HIPK2: variants seen among roughly 807,000 people sequenced by gnomAD.
HIPK2 encodes the protein homeodomain-interacting protein kinase 2.
HIPK2 carries 27 observed loss-of-function variants against 113.7 expected under a neutral mutation model. The ratio of observed to expected loss-of-function variants is 0.24; its 90% CI spans 0.17 to 0.33. The LOEUF is 0.33. HIPK2 is among the 10% of genes least tolerant of loss of function. The probability of loss-of-function intolerance (pLI) is 1.00; values close to 1 mark genes in which losing one functional copy is unlikely to be tolerated. For missense variants in HIPK2, 1,257 were observed against 1,588.0 expected (o/e 0.79, Z 3.54); for synonymous variants, 631 against 642.2 (o/e 0.98, Z 0.26).
In HIPK2 at chr7:139,583,954, C is replaced by T. The variant is rs1336981977; in HGVS notation, c.2828G>A (p.Gly943Glu). The T allele has an allele frequency of 6.2e-7, 1 of 1,613,890 alleles. No homozygotes were observed. The highest frequency in any genetic ancestry group is 8.5e-7 in the Non-Finnish European group (1 of 1,179,898). Reference sequence around the variant, plus strand: ...GTCAAAGGCATTGGCATTGTTGTGCCCAGCACGCTGCTGCACGGAGTAGGG... The same window carrying T: ...GTCAAAGGCATTGGCATTGTTGTGCTCAGCACGCTGCTGCACGGAGTAGGG... ...TSPYSVQQRA[G>E]HNNANAFDTK... is the part of the protein sequence containing the mutation. The change falls in exon 13 of 15, where the codon GGG becomes GAG. Residue 943 changes from glycine to glutamate, a missense_variant. Coordinates refer to ENST00000406875, the MANE Select transcript of HIPK2 (RefSeq NM_022740.5).
chr7:139,620,289 G>A, intron 7 of HIPK2, 112 bp downstream of exon 7: 1 of 1,429,274 alleles, frequency 7.0e-7, no homozygotes, highest in Non-Finnish European at 9.5e-7. Flanking sequence ...TTGTTTAGTT[G>A]TTGAACATGA....
At chr7:139,621,702 TGGAGTCCAA>T (rs1800238792) in intron 6 of HIPK2, among the ~76,000 whole-genome samples, 1 of 152,082 alleles carries the variant, frequency 6.6e-6, no homozygotes, top group Non-Finnish European at 1.5e-5. Flanking sequence ...TCAAGGTGGG[TGGAGTCCAA>T]GAGCTCAAGA....
chr7:139,604,611 G>A (rs746822117), intron 9 of HIPK2, among the ~76,000 whole-genome samples: 3 of 150,864 alleles, frequency 2.0e-5, no homozygotes, highest in Non-Finnish European at 4.4e-5. Flanking sequence ...AACCTGGGAG[G>A]TGGAGCTTGA....
In HIPK2 at chr7:139,614,486, G is replaced by C. The variant is rs768457644; in HGVS notation, c.1790C>G (p.Ser597Cys). ...TAAGGAAATAGTGGCACTGGTAGAG[G>C]AGGGAGCCTAAAGGAGTGATGGGGA... The part of the protein sequence containing the change: ...QLTTVHNQAP[S>C]STSATISLAN... The change falls in exon 8 of 15, where the codon TCC (serine) becomes TGC (cysteine). Residue 597 changes from serine (S) to cysteine (C), a missense_variant. Around this residue, in one of 5 missense-constraint regions of HIPK2, gnomAD observed 862 missense variants for 1,004.3 expected, o/e 0.86. Transcript: ENST00000406875. 3 of 1,412,028 alleles carry C rather than the reference G, an allele frequency of 2.1e-6. No individual in the cohort carries two copies. The highest frequency in any genetic ancestry group is 2.8e-6 in the Non-Finnish European group (3 of 1,069,712). The allele number at this position is 1,412,028 out of a possible 1,614,324, so 87.5% of individuals were successfully genotyped here.
intron 10 of HIPK2, among the ~76,000 whole-genome samples, chr7:139,603,450 G>C (rs1799508832): frequency 6.6e-6 from 1 of 152,152 alleles, no homozygotes; most frequent in Non-Finnish European, 1.5e-5. Context: ...TAGAGTTCTG[G>C]AAACAGATGC....
chr7:139,619,003 C>G lies in HIPK2; in HGVS notation c.1782+1398G>C, dbSNP rs367758369. 3.3e-4 allele frequency among the ~76,000 whole-genome samples: 50 copies of G among 152,278 alleles called. No homozygotes were observed. In the South Asian group the frequency reaches 0.01, roughly 32 times the overall value. ...CTTAGGGCTGGGCAAGGTTAGTTTT[C>G]GGACTCCCAACAGCTCTTTCACCCT... On this transcript the variant is annotated intron_variant, in intron 7 of 14. Transcript: ENST00000406875.
rs761602904 is a variant in HIPK2 at position 139,614,392 on chromosome 7, A to G, written c.1884T>C (p.Ala628=). ...TLYQPSAASM[A]AVAQRSMPLQ... ...GGGGCATGCTCCGCTGGGCCACTGC[A>G]GCCATGGATGCCGCTGAGGGCTGGT... The change falls in exon 8 of 15, where the codon GCT becomes GCC. Residue 628 remains alanine, a synonymous_variant. Coordinates refer to ENST00000406875, the MANE Select transcript of HIPK2 (RefSeq NM_022740.5). The G allele has an allele frequency of 4.4e-6, 7 of 1,579,972 alleles. No homozygotes were observed. The East Asian group carries it at 1.6e-4, about 37-fold the overall frequency.
intron 2 of HIPK2, among the ~76,000 whole-genome samples, chr7:139,655,158 A>C (rs1801619145): frequency 6.6e-6 from 1 of 152,226 alleles, no homozygotes; most frequent in African/African-American, 2.4e-5. Context: ...CCAGTTACTG[A>C]ATTCTCAGTG....
chr7:139,586,633 G>A (rs1798839426), intron 12 of HIPK2, among the ~76,000 whole-genome samples: 1 of 151,908 alleles, frequency 6.6e-6, no homozygotes. Flanking sequence ...AGCAAAGTAT[G>A]GTGGTGCATG....
Position 139,743,601 on chromosome 7 carries a change from T to C in HIPK2, c.20-26586A>G, listed in dbSNP as rs888056456. Among the ~76,000 whole-genome samples, 9 of 152,100 alleles carry C rather than the reference T, an allele frequency of 5.9e-5. No homozygotes were observed. In the East Asian group the frequency reaches 1.7e-3, roughly 29 times the overall value. ...CCTAAGTCCTCCATCTAGAAAAAAA[T>C]GAGACTTGGTAGTAGCCACTGCCCT... On this transcript the variant is annotated intron_variant, in intron 1 of 14. Transcript: ENST00000406875.
intron 12 of HIPK2, among the ~76,000 whole-genome samples, chr7:139,588,226 G>A (rs1798901239): frequency 6.6e-6 from 1 of 152,056 alleles, no homozygotes; most frequent in South Asian, 2.1e-4. Context: ...GCTGAGGCAG[G>A]AGAATCACTT....
intron 1 of HIPK2, among the ~76,000 whole-genome samples, chr7:139,739,432 C>CA (rs1047554525): frequency 3.3e-5 from 5 of 151,894 alleles, no homozygotes; most frequent in African/African-American, 1.2e-4. Context: ...ACTAAAAATA[C>CA]AAAAAATAGC....
chr7:139,614,324 A>T lies in HIPK2; in HGVS notation c.1952T>A (p.Phe651Tyr). 6.4e-7 allele frequency: 1 copy of T among 1,558,106 alleles called. No homozygotes were observed. Among genetic ancestry groups the T allele is most frequent in the Non-Finnish European group, 8.7e-7 (1 of 1,143,572 alleles). ...TAQICARPDP[F>Y]QQALIVCPPG... is the part of the protein sequence containing the mutation. ...GGGACACACGATGAGAGCTTGCTGG[A>T]ACGGGTCAGGCCGGGCACAAATCTG... The change falls in exon 8 of 15, where the codon TTC (phenylalanine) becomes TAC (tyrosine). Residue 651 changes from phenylalanine (F) to tyrosine (Y), a missense_variant. Phe to Tyr is a conservative substitution (Grantham distance 22). Transcript: ENST00000406875.
chr7:139,769,030 G>A (rs555652904), intron 1 of HIPK2, among the ~76,000 whole-genome samples: 4 of 152,320 alleles, frequency 2.6e-5, no homozygotes, highest in East Asian at 1.9e-4. Flanking sequence ...TGTGAAATGC[G>A]AGTGAGCCTA....
rs73469946 is a variant in HIPK2 at position 139,688,148 on chromosome 7, C to A, written c.1103+27784G>T. Among the ~76,000 whole-genome samples, 514 of 152,310 alleles carry A rather than the reference C, an allele frequency of 3.4e-3. 3 individuals carry two copies. The highest frequency in any genetic ancestry group is 0.011 in the African/African-American group (470 of 41,568). The stretch of plus-strand genomic sequence containing the variant: ...CTGCAGGGACAATCCACTGGGCACA[C>A]ACACACCCCATCCCTCTTCTTGCCC... On this transcript the variant is annotated intron_variant, in intron 2 of 14. Coordinates refer to ENST00000406875, the MANE Select transcript of HIPK2 (RefSeq NM_022740.5).
At chr7:139,688,551 T>C (rs1180174201) in intron 2 of HIPK2, among the ~76,000 whole-genome samples, 2 of 152,146 alleles carry the variant, frequency 1.3e-5, no homozygotes, top group East Asian at 3.8e-4. Context: ...CCAAGGGCTA[T>C]GGTTGGGGGT....
At chr7:139,639,280 GCCCA>G (rs948230700) in intron 2 of HIPK2, among the ~76,000 whole-genome samples, 11 of 152,154 alleles carry the variant, frequency 7.2e-5, no homozygotes, top group Non-Finnish European at 1.5e-4. Context: ...TTTTCATCCA[GCCCA>G]CCTGAAGCAT....
chr7:139,694,819 G>A (rs1383856641), intron 2 of HIPK2, among the ~76,000 whole-genome samples: 1 of 152,164 alleles, frequency 6.6e-6, no homozygotes, highest in African/African-American at 2.4e-5. Context: ...TTAACCCCAG[G>A]ACAGGTGACT....
intron 1 of HIPK2, among the ~76,000 whole-genome samples, chr7:139,731,947 C>T (rs986440793): frequency 1.2e-4 from 18 of 151,856 alleles, no homozygotes; most frequent in Admixed American, 2.0e-4. Flanking sequence ...CTCCACAACT[C>T]GCAGGGAGAG....
Sources: allele counts gnomAD v4.1 joint callset (sites outside exome capture counted in the v4.1 genomes callset), GRCh38; gene constraint gnomAD v4.1.1; regional missense constraint gnomAD v4.1.1; transcripts MANE v1.5; gene names NCBI Gene and HGNC (gene_info 2026-07-23, HGNC 2026-07-21).